The following ENTREP2 variants were observed in gnomAD, a reference collection of about 807,000 sequenced individuals.
ENTREP2 encodes the protein protein ENTREP2.
At chr15:29,647,593 C>T in the ENTREP2 span, among the ~76,000 whole-genome samples, 4 of 152,054 alleles carry the variant, frequency 2.6e-5, no homozygotes, top group Non-Finnish European at 5.9e-5. Context: ...TAGGTATTTT[C>T]TTTATTTAGA....
the ENTREP2 span, among the ~76,000 whole-genome samples, chr15:29,394,937 G>C: frequency 6.9e-6 from 1 of 144,842 alleles, no homozygotes; most frequent in Non-Finnish European, 1.5e-5. Context: ...GCCCACGCCG[G>C]AGTGCAGTGG....
chr15:29,660,140 A>G, the ENTREP2 span, among the ~76,000 whole-genome samples: 1 of 152,186 alleles, frequency 6.6e-6, no homozygotes, highest in Admixed American at 6.6e-5. Context: ...TGAACATTTA[A>G]ATTGTTTTTG....
chr15:29,146,974 T>C, the ENTREP2 span, among the ~76,000 whole-genome samples: 2 of 150,752 alleles, frequency 1.3e-5, no homozygotes, highest in Non-Finnish European at 2.9e-5. Context: ...GTGTAAGAGC[T>C]AACAGTAACA....
the ENTREP2 span, among the ~76,000 whole-genome samples, chr15:29,223,480 C>T: frequency 6.6e-6 from 1 of 152,306 alleles, no homozygotes; most frequent in South Asian, 2.1e-4. Context: ...CCTTCGTAGA[C>T]ATGCTAGCGG....
the ENTREP2 span, among the ~76,000 whole-genome samples, chr15:29,600,511 T>C: frequency 1.3e-5 from 2 of 152,162 alleles, no homozygotes; most frequent in South Asian, 2.1e-4. Context: ...GATGTGATGA[T>C]GATGATCTCT....
chr15:29,234,611 C>G, the ENTREP2 span: 1 of 1,542,264 alleles, frequency 6.5e-7, no homozygotes, highest in Non-Finnish European at 9.0e-7. Context: ...TTTTGTGCAG[C>G]TAGTTTTGAT....
At chr15:29,364,580 A>T in the ENTREP2 span, among the ~76,000 whole-genome samples, 3 of 152,214 alleles carry the variant, frequency 2.0e-5, no homozygotes, top group African/African-American at 7.2e-5. Context: ...CCCAGCTGAA[A>T]GGCAGAACAC....
At chr15:29,560,028 C>T in the ENTREP2 span, among the ~76,000 whole-genome samples, 1 of 152,132 alleles carries the variant, frequency 6.6e-6, no homozygotes, top group African/African-American at 2.4e-5. Context: ...AAAGATTCTC[C>T]GGATGCTGTG....
At chr15:29,305,175 A>G in the ENTREP2 span, among the ~76,000 whole-genome samples, 1 of 152,260 alleles carries the variant, frequency 6.6e-6, no homozygotes, top group South Asian at 2.1e-4. Context: ...ATGAACAAAT[A>G]AAGGGCTTAT....
chr15:29,656,339 T>A, the ENTREP2 span, among the ~76,000 whole-genome samples: 4 of 152,026 alleles, frequency 2.6e-5, no homozygotes, highest in African/African-American at 9.7e-5. Context: ...AATTCTCATG[T>A]GTCAGCCTCC....
At chr15:29,391,486 T>A in the ENTREP2 span, among the ~76,000 whole-genome samples, 29 of 152,186 alleles carry the variant, frequency 1.9e-4, no homozygotes, top group East Asian at 4.9e-3. Context: ...AAAAAACTCC[T>A]TAGTGTTGAA....
chr15:29,212,283 T>C, the ENTREP2 span, among the ~76,000 whole-genome samples: 1 of 152,192 alleles, frequency 6.6e-6, no homozygotes, highest in Admixed American at 6.5e-5. Flanking sequence ...CACAGTAGCC[T>C]TGAATGATCT....
At chr15:29,403,156 A>G in the ENTREP2 span, among the ~76,000 whole-genome samples, 1 of 152,144 alleles carries the variant, frequency 6.6e-6, no homozygotes, top group Non-Finnish European at 1.5e-5. Flanking sequence ...ATCTGCACAG[A>G]AAGTGGTTAG....
chr15:29,414,773 G>C, the ENTREP2 span, among the ~76,000 whole-genome samples: 1 of 151,794 alleles, frequency 6.6e-6, no homozygotes, highest in Admixed American at 6.6e-5. Flanking sequence ...AAGAAGAAAA[G>C]AGAGAAGAAT....
the ENTREP2 span, among the ~76,000 whole-genome samples, chr15:29,541,060 T>C: frequency 1.0e-3 from 156 of 152,188 alleles, no homozygotes; most frequent in African/African-American, 3.5e-3. Flanking sequence ...TTCTTTGTCA[T>C]CGCTATGGCT....
the ENTREP2 span, among the ~76,000 whole-genome samples, chr15:29,347,040 T>C: frequency 1.3e-5 from 2 of 152,238 alleles, no homozygotes; most frequent in Non-Finnish European, 2.9e-5. Context: ...TTTGGATTCA[T>C]GTCAGAACCG....
At chr15:29,207,765 G>A in the ENTREP2 span, among the ~76,000 whole-genome samples, 2 of 151,986 alleles carry the variant, frequency 1.3e-5, no homozygotes, top group Non-Finnish European at 2.9e-5. Context: ...TCCAGAGCAC[G>A]AGGGACTGGG....
At chr15:29,480,697 T>C in the ENTREP2 span, among the ~76,000 whole-genome samples, 2 of 152,076 alleles carry the variant, frequency 1.3e-5, no homozygotes, top group Non-Finnish European at 2.9e-5. Context: ...TGGACTGCTG[T>C]CAGAGCAAAC....
At chr15:29,142,248 C>T in the ENTREP2 span, among the ~76,000 whole-genome samples, 1 of 152,168 alleles carries the variant, frequency 6.6e-6, no homozygotes, top group South Asian at 2.1e-4. Context: ...CCAGACAGGA[C>T]AACAGACCCA....
Sources: gnomAD v4.1 joint callset for allele counts (sites outside exome capture counted in the v4.1 genomes callset) on GRCh38, gnomAD v4.1.1 for gene constraint, MANE v1.5 for transcripts, NCBI Gene and HGNC (gene_info 2026-07-23, HGNC 2026-07-21) for gene names.